Variants in HSPA12A observed in about 807,000 individuals in gnomAD.
The protein encoded by HSPA12A is heat shock 70 kDa protein 12A.
Under a neutral mutation model 69.2 loss-of-function variants are expected in HSPA12A, and 28 were observed. The observed-to-expected ratio is 0.40, with a 90% CI of 0.30 to 0.55. HSPA12A has a LOEUF of 0.55. Ranked by LOEUF, HSPA12A falls within the 20% of genes least tolerant of loss-of-function variation. HSPA12A has a pLI of 0.38. For synonymous variants in HSPA12A, 345 were observed against 370.5 expected (o/e 0.93, Z 0.79); for missense variants, 686 against 900.7 (o/e 0.76, Z 3.05).
chr10:116,813,901 A>C (rs1459252222), intron 2 of HSPA12A, among the ~76,000 whole-genome samples: 1 of 152,110 alleles, frequency 6.6e-6, no homozygotes, highest in African/African-American at 2.4e-5. Context: ...GAAAAAAAGA[A>C]ATTATAGAAA....
intron 1 of HSPA12A, among the ~76,000 whole-genome samples, chr10:116,726,027 G>GCGCTCACACA (rs140160132): frequency 6.8e-6 from 1 of 146,114 alleles, no homozygotes; most frequent in African/African-American, 2.6e-5. Context: ...ACACACACAC[G>GCGCTCACACA]CACACACACA....
At chr10:116,809,126 G>A (rs1318054760) in intron 2 of HSPA12A, among the ~76,000 whole-genome samples, 2 of 152,172 alleles carry the variant, frequency 1.3e-5, no homozygotes, top group African/African-American at 4.8e-5. Flanking sequence ...GCACATCAAA[G>A]GGCTTAAGTG....
intron 10 of HSPA12A, among the ~76,000 whole-genome samples, chr10:116,679,300 C>T (rs1418235831): frequency 2.0e-5 from 3 of 152,228 alleles, no homozygotes; most frequent in Non-Finnish European, 4.4e-5. Flanking sequence ...TGCATTCTCA[C>T]AACAACCCTT....
intron 1 of HSPA12A, among the ~76,000 whole-genome samples, chr10:116,741,153 C>T (rs2133067626): frequency 6.6e-6 from 1 of 152,230 alleles, no homozygotes; most frequent in Admixed American, 6.5e-5. Context: ...GATCCCCCAC[C>T]CGCCACCCTG....
At chr10:116,743,766 T>C (rs949964042), upstream of HSPA12A, among the ~76,000 whole-genome samples, 14 of 152,252 alleles carry the variant, frequency 9.2e-5, no homozygotes, top group East Asian at 2.1e-3. Context: ...GACCAGAAGG[T>C]GATGGCAGAG....
chr10:116,849,042 C>T (rs1308630444), intron 1 of HSPA12A, among the ~76,000 whole-genome samples: 1 of 152,196 alleles, frequency 6.6e-6, no homozygotes, highest in African/African-American at 2.4e-5. Context: ...AGTAAGGATG[C>T]CCTGAGCCCC....
At chr10:116,744,870 A>C (rs921946510), upstream of HSPA12A, among the ~76,000 whole-genome samples, 3 of 152,154 alleles carry the variant, frequency 2.0e-5, no homozygotes, top group Admixed American at 2.0e-4. Flanking sequence ...CACATCAAGG[A>C]AGGGTTCCCA....
chr10:116,679,270 C>T (rs1849331862), intron 10 of HSPA12A, among the ~76,000 whole-genome samples: 1 of 152,232 alleles, frequency 6.6e-6, no homozygotes, highest in South Asian at 2.1e-4. Context: ...GTTCTAAGCA[C>T]CCAACATGTA....
At chr10:116,802,991 C>T (rs747662146) in intron 2 of HSPA12A, among the ~76,000 whole-genome samples, 1 of 152,248 alleles carries the variant, frequency 6.6e-6, no homozygotes, top group Non-Finnish European at 1.5e-5. Context: ...GGGCCCAAGC[C>T]AGCTGGCAAC....
At chr10:116,829,935 C>T (rs1048668964) in intron 2 of HSPA12A, 2 of 140,252 alleles carry the variant, frequency 1.4e-5, no homozygotes, top group African/African-American at 2.5e-5. Flanking sequence ...CAGTCTTACC[C>T]TAAACATACT....
chr10:116,821,938 T>C (rs1023825898), intron 2 of HSPA12A, among the ~76,000 whole-genome samples: 1 of 152,240 alleles, frequency 6.6e-6, no homozygotes, highest in African/African-American at 2.4e-5. Context: ...GTAATCCAGA[T>C]AATCCAGGCC....
chr10:116,850,040 T>G, upstream of HSPA12A: 25 of 506,848 alleles, frequency 4.9e-5, no homozygotes, highest in East Asian at 1.6e-4. Context: ...CCTCTCCGTT[T>G]GTGGGCCGGC....
chr10:116,727,324 G>A (rs1004322118), intron 1 of HSPA12A, among the ~76,000 whole-genome samples: 19 of 152,086 alleles, frequency 1.2e-4, no homozygotes, highest in Non-Finnish European at 2.4e-4. Flanking sequence ...CTAGGCTGTC[G>A]GTCGGGGGCC....
intron 6 of HSPA12A, among the ~76,000 whole-genome samples, chr10:116,691,018 T>C (rs1849721977): frequency 1.3e-5 from 2 of 152,250 alleles, no homozygotes; most frequent in Admixed American, 6.5e-5. Flanking sequence ...ATGGAGCTTG[T>C]GCTCCGTGAT....
chr10:116,827,136 C>T (rs1488157979), intron 2 of HSPA12A, among the ~76,000 whole-genome samples: 3 of 152,204 alleles, frequency 2.0e-5, no homozygotes, highest in African/African-American at 7.2e-5. Context: ...GCTTAACCAG[C>T]TAGTTGGCTG....
chr10:116,846,647 C>T (rs1845892894), intron 1 of HSPA12A, among the ~76,000 whole-genome samples: 1 of 152,070 alleles, frequency 6.6e-6, no homozygotes, highest in African/African-American at 2.4e-5. Context: ...CGTGCCTGGC[C>T]TTGTTAATGT....
At chr10:116,679,405 T>G in intron 10 of HSPA12A, 98 bp downstream of exon 10, 1 of 1,462,786 alleles carries the variant, frequency 6.8e-7, no homozygotes, top group Non-Finnish European at 9.4e-7. Flanking sequence ...AGCAAGTGTG[T>G]AGGATTGGAA....
chr10:116,750,974 G>A (rs1851764397), intron 2 of HSPA12A, among the ~76,000 whole-genome samples: 1 of 151,014 alleles, frequency 6.6e-6, no homozygotes. Flanking sequence ...TGAAGAAAGA[G>A]GAAGGAAGAA....
At chr10:116,817,137 AT>A (rs1028038665) in intron 2 of HSPA12A, among the ~76,000 whole-genome samples, 7 of 151,932 alleles carry the variant, frequency 4.6e-5, no homozygotes, top group African/African-American at 1.2e-4. Flanking sequence ...CATATTTATT[AT>A]TTTTTTGTTA....
Sources: allele counts gnomAD v4.1 joint callset (sites outside exome capture counted in the v4.1 genomes callset), GRCh38; gene constraint gnomAD v4.1.1; transcripts MANE v1.5; gene names NCBI Gene and HGNC (gene_info 2026-07-23, HGNC 2026-07-21).